BTG4: variants seen among roughly 807,000 people sequenced by gnomAD.
BTG4 encodes protein BTG4.
In BTG4, 10 loss-of-function variants were observed where a neutral mutation model predicts 19.3. The observed-to-expected ratio is 0.52, with a 90% CI of 0.32 to 0.88. The LOEUF (loss-of-function observed/expected upper bound fraction) is 0.88. Among genes scored for constraint, BTG4 ranks in the 40% least tolerant of loss-of-function variants. The pLI is 0.04. For synonymous variants in BTG4, 91 were observed against 95.7 expected (o/e 0.95, Z 0.29); for missense variants, 238 against 281.9 (o/e 0.84, Z 1.11).
At chr11:111,413,165 G>A in the BTG4 span, among the ~76,000 whole-genome samples, 1 of 152,212 alleles carries the variant, frequency 6.6e-6, no homozygotes, top group Non-Finnish European at 1.5e-5. Flanking sequence ...GAAGGCAAGA[G>A]TCAGCGTAAA....
the BTG4 span, among the ~76,000 whole-genome samples, chr11:111,406,071 T>A: frequency 6.6e-6 from 1 of 152,252 alleles, no homozygotes; most frequent in Non-Finnish European, 1.5e-5. Flanking sequence ...GTTTTATTAC[T>A]GCCCTTACTT....
At chr11:111,495,566 T>C (rs966043534) in intron 4 of BTG4, among the ~76,000 whole-genome samples, 1 of 152,236 alleles carries the variant, frequency 6.6e-6, no homozygotes, top group Admixed American at 6.5e-5. Context: ...ATGTTTATTC[T>C]TGAATTGTCC....
the BTG4 span, among the ~76,000 whole-genome samples, chr11:111,426,808 GC>G: frequency 6.6e-6 from 1 of 152,202 alleles, no homozygotes; most frequent in African/African-American, 2.4e-5. Context: ...GTTTGGCACA[GC>G]CAGCTCCCAG....
chr11:111,408,596 A>T, the BTG4 span, among the ~76,000 whole-genome samples: 1 of 152,198 alleles, frequency 6.6e-6, no homozygotes, highest in Admixed American at 6.5e-5. Context: ...AAAACAGAGC[A>T]CCTTTGCTTT....
At chr11:111,501,344 C>G (rs1424577033) in intron 1 of BTG4, among the ~76,000 whole-genome samples, 2 of 152,124 alleles carry the variant, frequency 1.3e-5, no homozygotes, top group Non-Finnish European at 2.9e-5. Context: ...GCACTCCAGC[C>G]TGGGCAACAG....
chr11:111,407,699 G>A, the BTG4 span, among the ~76,000 whole-genome samples: 1 of 152,182 alleles, frequency 6.6e-6, no homozygotes, highest in Non-Finnish European at 1.5e-5. Flanking sequence ...GTCACTATTT[G>A]TCAAAAGCTC....
chr11:111,498,487 C>T (rs1387748856), intron 2 of BTG4, 117 bp downstream of exon 2: 5 of 875,722 alleles, frequency 5.7e-6, no homozygotes, highest in Non-Finnish European at 8.9e-6. Flanking sequence ...CAAATAAACT[C>T]GAGCCCATAA....
At chr11:111,451,712 C>T in the BTG4 span, among the ~76,000 whole-genome samples, 170 of 152,064 alleles carry the variant, frequency 1.1e-3, 3 homozygotes, top group South Asian at 0.02. Flanking sequence ...TGCAGTGAGC[C>T]GAGATCGTGC....
the BTG4 span, among the ~76,000 whole-genome samples, chr11:111,387,501 C>T: frequency 1.3e-5 from 2 of 152,170 alleles, no homozygotes; most frequent in African/African-American, 4.8e-5. Flanking sequence ...GTTCAGAAGC[C>T]AGGGCTTTAC....
the BTG4 span, among the ~76,000 whole-genome samples, chr11:111,402,908 C>T: frequency 1.3e-5 from 2 of 152,160 alleles, no homozygotes; most frequent in Non-Finnish European, 2.9e-5. Flanking sequence ...TCCACACACT[C>T]ATTTCCACAT....
chr11:111,468,802 G>A (rs935240916), intron 5 of BTG4, among the ~76,000 whole-genome samples: 6 of 152,186 alleles, frequency 3.9e-5, no homozygotes, highest in African/African-American at 1.4e-4. Flanking sequence ...GAAGCACATA[G>A]ACCCCACAGA....
chr11:111,509,387 G>A (rs1020814511), intron 1 of BTG4, among the ~76,000 whole-genome samples: 1 of 151,962 alleles, frequency 6.6e-6, no homozygotes, highest in Non-Finnish European at 1.5e-5. Flanking sequence ...GAGTAAATAT[G>A]CATTTAAAAA....
the BTG4 span, chr11:111,454,877 G>T: frequency 2.4e-6 from 1 of 417,380 alleles, no homozygotes; most frequent in African/African-American, 2.0e-5. Context: ...GCTGTTGGCA[G>T]CAGGGGGCGC....
the BTG4 span, among the ~76,000 whole-genome samples, chr11:111,427,773 A>G: frequency 3.9e-5 from 6 of 152,160 alleles, no homozygotes; most frequent in African/African-American, 1.4e-4. Flanking sequence ...GGGTCAGTCA[A>G]ATGTGGTCCC....
At chr11:111,388,887 T>C in the BTG4 span, among the ~76,000 whole-genome samples, 1 of 152,212 alleles carries the variant, frequency 6.6e-6, no homozygotes, top group African/African-American at 2.4e-5. Context: ...GAGGTAATAC[T>C]TGCCAATCAT....
chr11:111,497,473 T>C (rs1026470279), intron 3 of BTG4, 64 bp from the exon 4 acceptor site: 46 of 1,108,254 alleles, frequency 4.2e-5, no homozygotes, highest in Non-Finnish European at 5.5e-5. Context: ...TCTCCAATCT[T>C]TCCTGGAGAC....
intron 1 of BTG4, among the ~76,000 whole-genome samples, chr11:111,499,839 T>C (rs971146371): frequency 6.6e-6 from 1 of 152,146 alleles, no homozygotes; most frequent in Non-Finnish European, 1.5e-5. Context: ...ACTGTGTTTC[T>C]TGTTAAAAAT....
chr11:111,457,017 G>A, the BTG4 span: 1 of 155,022 alleles, frequency 6.5e-6, no homozygotes, highest in Non-Finnish European at 1.4e-5. Flanking sequence ...GGCTGAAGGA[G>A]GCTGGTGCAT....
At chr11:111,442,406 C>A in the BTG4 span, among the ~76,000 whole-genome samples, 2 of 151,726 alleles carry the variant, frequency 1.3e-5, no homozygotes, top group African/African-American at 2.4e-5. Context: ...GAGGTCGAGG[C>A]AAGAGAATCA....
Sources: allele counts gnomAD v4.1 joint callset (sites outside exome capture counted in the v4.1 genomes callset), GRCh38; gene constraint gnomAD v4.1.1; transcripts MANE v1.5; gene names NCBI Gene and HGNC (gene_info 2026-07-23, HGNC 2026-07-21).